Variants in FABP6 observed in about 807,000 individuals in gnomAD.
FABP6 encodes fatty acid binding protein 6.
A neutral mutation model predicts 14.9 loss-of-function variants in FABP6; 13 were observed. The ratio of observed to expected loss-of-function variants is 0.87; its 90% CI spans 0.57 to 1.39. The LOEUF (loss-of-function observed/expected upper bound fraction) is 1.39, where lower values mean the gene tolerates loss of function less well. Ranked by LOEUF, FABP6 falls within the 40% of genes most tolerant of loss-of-function variation. The pLI, the probability that FABP6 is intolerant of heterozygous loss-of-function variation, is 0.00. For missense variants in FABP6, 161 were observed against 167.2 expected, an observed-to-expected ratio of 0.96 and a Z score of 0.20; for synonymous variants, 75 against 63.6, an observed-to-expected ratio of 1.18 and a Z score of -0.85.
intron 1 of FABP6, among the ~76,000 whole-genome samples, chr5:160,188,638 C>G (rs1211239115): frequency 6.6e-6 from 1 of 152,180 alleles, no homozygotes; most frequent in African/African-American, 2.4e-5. Context: ...GGCTGCGACC[C>G]CCGACTTTGG....
At chr5:160,228,423 G>A, upstream of FABP6, 1 of 456,116 alleles carries the variant, frequency 2.2e-6, no homozygotes. Flanking sequence ...AATCACGAGA[G>A]CCTTTGCAGA....
intron 1 of FABP6, among the ~76,000 whole-genome samples, chr5:160,230,353 G>A (rs1054133661): frequency 6.6e-6 from 1 of 151,704 alleles, no homozygotes; most frequent in Non-Finnish European, 1.5e-5. Context: ...AGTCAAACAT[G>A]TATTTATTTT....
intron 2 of FABP6, among the ~76,000 whole-genome samples, chr5:160,208,755 C>T (rs1165874245): frequency 6.6e-6 from 1 of 151,062 alleles, no homozygotes; most frequent in African/African-American, 2.4e-5. Context: ...TAGGGAGACC[C>T]CATTTCTTTT....
chr5:160,190,167 A>AT lies in FABP6; in HGVS notation c.-59+2714dup, dbSNP rs1416722222. On this transcript the variant is annotated intron_variant, in intron 1 of 6. Transcript: ENST00000393980. ...CAGAACGCTATTTTTCTGGACATCT[A>AT]TAACCTCTTTGGTCAAGGGACAAGA... is the stretch of plus-strand genomic sequence containing the variant. Among the ~76,000 whole-genome samples, 73 of 152,282 alleles carry AT rather than the reference A, an allele frequency of 4.8e-4. 1 individual carries two copies. The highest frequency in any genetic ancestry group is 6.6e-4 in the Non-Finnish European group (45 of 68,018).
chr5:160,233,429 T>A lies in FABP6; in HGVS notation c.243+1156T>A, dbSNP rs145386531. On this transcript the variant is annotated intron_variant, in intron 2 of 3. Coordinates refer to ENST00000402432, the MANE Select transcript of FABP6 (RefSeq NM_001445.3). ...TCATTTCACTCCCCTGAGCCTCATA[T>A]CTCTAGTATGCAAAAGGAGACTACA... 2.5e-3 allele frequency among the ~76,000 whole-genome samples: 386 copies of A among 152,186 alleles called. 1 individual carries two copies. Among genetic ancestry groups the A allele is most frequent in the African/African-American group, 8.6e-3 (356 of 41,522 alleles).
intron 3 of FABP6, among the ~76,000 whole-genome samples, chr5:160,216,000 T>C (rs1393099861): frequency 6.6e-6 from 1 of 152,048 alleles, no homozygotes; most frequent in Non-Finnish European, 1.5e-5. Context: ...TGTGTAAGGA[T>C]GGGGCCTGGG....
chr5:160,195,270 C>T lies in FABP6; in HGVS notation c.-58-3779C>T, dbSNP rs556194890. On this transcript the variant is annotated intron_variant, in intron 1 of 6. Coordinates refer to the FABP6 transcript ENST00000393980. ...CTGCACTCCAGCCTGGGCAACAGAG[C>T]GAGACTCTGTCTCAAAAAAAAAAAA... is the stretch of plus-strand genomic sequence containing the variant. Among the ~76,000 whole-genome samples, 361 of 111,896 alleles carry T rather than the reference C, an allele frequency of 3.2e-3. 1 individual carries two copies. Among genetic ancestry groups the T allele is most frequent in the African/African-American group, 0.013 (346 of 27,616 alleles). 73.4% of individuals were successfully genotyped at this position (111,896 alleles called of 152,430 possible).
At chr5:160,214,626 G>A (rs1486359822) in intron 3 of FABP6, among the ~76,000 whole-genome samples, 1 of 151,852 alleles carries the variant, frequency 6.6e-6, no homozygotes, top group Admixed American at 6.6e-5. Flanking sequence ...TTCTTGACTT[G>A]TGACTCAAAG....
At chr5:160,219,211 G>A (rs969703048) in intron 3 of FABP6, among the ~76,000 whole-genome samples, 4 of 152,114 alleles carry the variant, frequency 2.6e-5, no homozygotes, top group Admixed American at 6.6e-5. Flanking sequence ...GAATAGGAGG[G>A]TGCCCAGGGC....
At chr5:160,191,979 A>G (rs28570995) in intron 1 of FABP6, among the ~76,000 whole-genome samples, 1 of 151,494 alleles carries the variant, frequency 6.6e-6, no homozygotes, top group Non-Finnish European at 1.5e-5. Context: ...ATCTCAAAAA[A>G]AGAAAAAAAA....
At chr5:160,221,452 A>G (rs1440901461) in intron 3 of FABP6, among the ~76,000 whole-genome samples, 1 of 152,210 alleles carries the variant, frequency 6.6e-6, no homozygotes, top group Non-Finnish European at 1.5e-5. Context: ...TTTACAAGGT[A>G]CGAACTTCCT....
intron 3 of FABP6, among the ~76,000 whole-genome samples, chr5:160,217,877 A>G (rs1481542589): frequency 1.3e-5 from 2 of 151,922 alleles, no homozygotes; most frequent in Admixed American, 1.3e-4. Flanking sequence ...TCCTGGGCTC[A>G]AGCAAATCTC....
In FABP6 at chr5:160,234,929, C is replaced by T. The variant is rs753410969; in HGVS notation, c.333+20C>T. ...GTGGAGGTGAGTGTCATGCTGATTC[C>T]TGGGATGATTATTGGATATTTGTCT... On this transcript the variant is annotated intron_variant, in intron 3 of 3. Transcript: ENST00000402432. 6.2e-7 allele frequency: 1 copy of T among 1,601,414 alleles called. No individual in the cohort carries two copies. Among genetic ancestry groups the T allele is most frequent in the East Asian group, 2.2e-5 (1 of 44,520 alleles).
In FABP6 at chr5:160,190,447, G is replaced by A. The variant is rs1455097407; in HGVS notation, c.-59+2993G>A. Among the ~76,000 whole-genome samples, 5 of 152,270 alleles carry A rather than the reference G, an allele frequency of 3.3e-5. No individual in the cohort carries two copies. In the East Asian group the frequency reaches 7.7e-4, roughly 24 times the overall value. ...AGGTTTCTCCATGTTGGTCAGGCTG[G>A]TCTCGAACTCCCGACCTCAGGCGAT... On this transcript the variant is annotated intron_variant, in intron 1 of 6. Transcript: ENST00000393980.
At chr5:160,216,711 GAC>G (rs1488319032) in intron 3 of FABP6, among the ~76,000 whole-genome samples, 2 of 152,150 alleles carry the variant, frequency 1.3e-5, no homozygotes, top group African/African-American at 4.8e-5. Flanking sequence ...TGTAACCTTG[GAC>G]AAGTCACCTA....
chr5:160,224,476 C>A (rs1760200142), intron 3 of FABP6, among the ~76,000 whole-genome samples: 2 of 151,994 alleles, frequency 1.3e-5, no homozygotes, highest in African/African-American at 4.8e-5. Flanking sequence ...TCTAGGTGTT[C>A]AAGTGAAAGG....
intron 3 of FABP6, chr5:160,213,902 T>C: frequency 8.9e-7 from 1 of 1,125,832 alleles, no homozygotes; most frequent in Non-Finnish European, 1.3e-6. Context: ...AGACTTTGTG[T>C]CCTATCCCTG....
chr5:160,201,998 A>G (rs1258806374), intron 2 of FABP6, among the ~76,000 whole-genome samples: 2 of 152,198 alleles, frequency 1.3e-5, no homozygotes, highest in African/African-American at 4.8e-5. Flanking sequence ...TCCTGGGCTC[A>G]GGCGATCTGC....
At chr5:160,188,467 A>C (rs1759332700) in intron 1 of FABP6, among the ~76,000 whole-genome samples, 1 of 152,146 alleles carries the variant, frequency 6.6e-6, no homozygotes, top group African/African-American at 2.4e-5. Context: ...CCTTGCTCCA[A>C]AGCCAAAGAG....
Sources: allele counts gnomAD v4.1 joint callset (sites outside exome capture counted in the v4.1 genomes callset), GRCh38; gene constraint gnomAD v4.1.1; transcripts MANE v1.5; gene names NCBI Gene and HGNC (gene_info 2026-07-23, HGNC 2026-07-21).